BCKDHB: variants seen among roughly 807,000 people sequenced by gnomAD.
BCKDHB encodes the protein branched chain keto acid dehydrogenase E1 subunit beta.
Under a neutral mutation model 48.5 loss-of-function variants are expected in BCKDHB, and 41 were observed. The ratio of observed to expected loss-of-function variants is 0.85; its 90% CI spans 0.66 to 1.10. The LOEUF is 1.10. BCKDHB is among the 50% of genes least tolerant of loss of function. The pLI, the probability that BCKDHB is intolerant of heterozygous loss-of-function variation, is 0.00. For synonymous variants in BCKDHB, 201 were observed against 174.8 expected (o/e 1.15, Z -1.18); for missense variants, 496 against 494.2 (o/e 1.00, Z -0.03).
intron 1 of BCKDHB, among the ~76,000 whole-genome samples, chr6:80,116,670 A>G (rs1347640000): frequency 6.6e-6 from 1 of 152,234 alleles, no homozygotes; most frequent in Non-Finnish European, 1.5e-5. Flanking sequence ...ATAGGCAACC[A>G]TTAACTTGCA....
At chr6:80,251,173 TG>T (rs946655156) in intron 8 of BCKDHB, among the ~76,000 whole-genome samples, 1 of 152,182 alleles carries the variant, frequency 6.6e-6, no homozygotes, top group Non-Finnish European at 1.5e-5. Flanking sequence ...TTTGTTTTGC[TG>T]TTTAAAAACC....
At chr6:80,346,591 A>C (rs1319997182), downstream of BCKDHB, among the ~76,000 whole-genome samples, 1 of 152,162 alleles carries the variant, frequency 6.6e-6, no homozygotes, top group East Asian at 1.9e-4. Flanking sequence ...GGACAGCCTA[A>C]GCCTGTCCAT....
intron 8 of BCKDHB, among the ~76,000 whole-genome samples, chr6:80,208,704 T>C (rs1235679107): frequency 6.6e-6 from 1 of 151,818 alleles, no homozygotes; most frequent in Non-Finnish European, 1.5e-5. Flanking sequence ...TGGAAAAATA[T>C]AAGTCATTCA....
At chr6:80,237,151 A>G (rs1776179439) in intron 8 of BCKDHB, among the ~76,000 whole-genome samples, 1 of 152,208 alleles carries the variant, frequency 6.6e-6, no homozygotes, top group Admixed American at 6.5e-5. Context: ...GGTGGACAAA[A>G]TTAAAGTCTT....
At chr6:80,393,437 G>A in the BCKDHB span, among the ~76,000 whole-genome samples, 1 of 152,154 alleles carries the variant, frequency 6.6e-6, no homozygotes, top group African/African-American at 2.4e-5. Flanking sequence ...AAAGAGGTCT[G>A]AGAGAGCATG....
the BCKDHB span, among the ~76,000 whole-genome samples, chr6:80,417,460 T>C: frequency 6.6e-6 from 1 of 152,206 alleles, no homozygotes; most frequent in Admixed American, 6.5e-5. Flanking sequence ...CTCAGTGTTT[T>C]TGTAGTGGCT....
rs570121883 is a variant in BCKDHB at position 80,338,969 on chromosome 6, C to T, written c.1039-4695C>T. On this transcript the variant is annotated intron_variant, in intron 9 of 9. Coordinates refer to ENST00000320393, the MANE Select transcript of BCKDHB (RefSeq NM_183050.4). Reference sequence around the variant, plus strand: ...ATCCCTTCAGATAGAATTCCAAATTCCGTGCTGTATCAATTATATTATGAA... The same window carrying T: ...ATCCCTTCAGATAGAATTCCAAATTTCGTGCTGTATCAATTATATTATGAA... Among the ~76,000 whole-genome samples the T allele has an allele frequency of 1.8e-3, 268 of 151,352 alleles. 1 individual carries two copies. The highest frequency in any genetic ancestry group is 5.9e-3 in the African/African-American group (244 of 41,236).
chr6:80,148,315 TC>T lies in BCKDHB; in HGVS notation c.343+19088del, dbSNP rs376203461. The stretch of plus-strand genomic sequence containing the variant: ...TCTACTTTATTTCAAGTGAAAGTCA[TC>T]CTTCTGCATATATGCTTATTAGTTT... On this transcript the variant is annotated intron_variant, in intron 3 of 9. Coordinates refer to ENST00000320393, the MANE Select transcript of BCKDHB (RefSeq NM_183050.4). Among the ~76,000 whole-genome samples the T allele has an allele frequency of 1.7e-3, 265 of 152,282 alleles. 1 individual carries two copies. The highest frequency in any genetic ancestry group is 6.0e-3 in the African/African-American group (251 of 41,576).
chr6:80,201,080 C>T, intron 7 of BCKDHB, 49 bp downstream of exon 7: 1 of 1,447,416 alleles, frequency 6.9e-7, no homozygotes, highest in Non-Finnish European at 9.7e-7. Flanking sequence ...TGCTTGGAAG[C>T]TCTCATTTTA....
At chr6:80,166,078 C>A (rs576452386) in intron 3 of BCKDHB, among the ~76,000 whole-genome samples, 1 of 152,310 alleles carries the variant, frequency 6.6e-6, no homozygotes, top group South Asian at 2.1e-4. Flanking sequence ...TTATGAACGT[C>A]ATGGTCATCC....
the BCKDHB span, among the ~76,000 whole-genome samples, chr6:80,359,236 A>C: frequency 6.6e-6 from 1 of 152,242 alleles, no homozygotes; most frequent in Non-Finnish European, 1.5e-5. Flanking sequence ...CTGGTCCCTC[A>C]CTGAGCAGGT....
intron 8 of BCKDHB, among the ~76,000 whole-genome samples, chr6:80,233,144 C>T (rs1019382570): frequency 6.6e-6 from 1 of 151,966 alleles, no homozygotes; most frequent in African/African-American, 2.4e-5. Flanking sequence ...TGGACTTAAT[C>T]ATTGTTTCCA....
At chr6:80,322,729 T>A (rs1768799757) in intron 9 of BCKDHB, among the ~76,000 whole-genome samples, 1 of 152,022 alleles carries the variant, frequency 6.6e-6, no homozygotes, top group Admixed American at 6.6e-5. Context: ...AAATTTTAAT[T>A]CCTCCATCGT....
the BCKDHB span, among the ~76,000 whole-genome samples, chr6:80,411,134 T>A: frequency 3.9e-5 from 6 of 152,198 alleles, no homozygotes; most frequent in African/African-American, 1.4e-4. Context: ...GTTTTTTGTG[T>A]GGATGTCCCT....
the BCKDHB span, among the ~76,000 whole-genome samples, chr6:80,450,224 G>A: frequency 6.6e-6 from 1 of 152,138 alleles, no homozygotes; most frequent in East Asian, 1.9e-4. Flanking sequence ...ATTACTCCCA[G>A]CCCTTCCTAA....
chr6:80,205,434 A>G (rs999861376), intron 8 of BCKDHB, among the ~76,000 whole-genome samples: 7 of 152,078 alleles, frequency 4.6e-5, no homozygotes, highest in African/African-American at 1.7e-4. Flanking sequence ...TCAAGAAAAG[A>G]AAGCATATTA....
At chr6:80,236,174 C>G (rs1776139662) in intron 8 of BCKDHB, among the ~76,000 whole-genome samples, 1 of 35,968 alleles carries the variant, frequency 2.8e-5, no homozygotes, top group African/African-American at 1.0e-4. Flanking sequence ...ATTGCCTCTT[C>G]TCTTTAACTT....
intron 3 of BCKDHB, among the ~76,000 whole-genome samples, chr6:80,158,952 C>A (rs888716869): frequency 3.3e-5 from 5 of 152,150 alleles, no homozygotes; most frequent in Admixed American, 6.6e-5. Flanking sequence ...TGTTCTTTTT[C>A]ATTTTCTACC....
chr6:80,107,020 A>T, intron 1 of BCKDHB, 131 bp downstream of exon 1: 1 of 1,212,532 alleles, frequency 8.2e-7, no homozygotes. Context: ...ACTCTCTGGA[A>T]CCTCCTTGCC....
Sources: allele counts gnomAD v4.1 joint callset (sites outside exome capture counted in the v4.1 genomes callset), GRCh38; gene constraint gnomAD v4.1.1; transcripts MANE v1.5; gene names NCBI Gene and HGNC (gene_info 2026-07-23, HGNC 2026-07-21).